The following ZFAND3 variants were observed in gnomAD, a reference collection of about 807,000 sequenced individuals.
ZFAND3 encodes the protein AN1-type zinc finger protein 3.
In ZFAND3, 10 loss-of-function variants were observed where a neutral mutation model predicts 29.6. The ratio of observed to expected loss-of-function variants is 0.34; its 90% CI spans 0.21 to 0.57. The LOEUF (loss-of-function observed/expected upper bound fraction) is 0.57, where lower values mean the gene tolerates loss of function less well. Among genes scored for constraint, ZFAND3 ranks in the 20% least tolerant of loss-of-function variants. The pLI, the probability that ZFAND3 is intolerant of heterozygous loss-of-function variation, is 0.86. For missense variants in ZFAND3, 230 were observed against 304.5 expected (o/e 0.76, Z 1.82); for synonymous variants, 128 against 112.6 (o/e 1.14, Z -0.87).
At chr6:37,908,368 A>G (rs530828455) in intron 1 of ZFAND3, among the ~76,000 whole-genome samples, 1 of 152,142 alleles carries the variant, frequency 6.6e-6, no homozygotes, top group African/African-American at 2.4e-5. Flanking sequence ...GTAAATGTAC[A>G]TTGCCATTAG....
At chr6:37,898,246 T>A (rs140825746) in intron 1 of ZFAND3, among the ~76,000 whole-genome samples, 1 of 152,212 alleles carries the variant, frequency 6.6e-6, no homozygotes. Context: ...CACACTGATA[T>A]CAAGTTGACC....
chr6:37,907,110 T>G (rs796384017), intron 1 of ZFAND3, among the ~76,000 whole-genome samples: 8 of 152,158 alleles, frequency 5.3e-5, no homozygotes, highest in African/African-American at 1.9e-4. Context: ...GATGCCTGAT[T>G]CCATGCTTGC....
chr6:37,893,699 G>A (rs369194565), intron 1 of ZFAND3, among the ~76,000 whole-genome samples: 25 of 152,150 alleles, frequency 1.6e-4, no homozygotes, highest in African/African-American at 4.3e-4. Context: ...GATTACAGGC[G>A]CATGCCACAA....
rs1266709596 is a variant in ZFAND3 at position 38,154,508 on chromosome 6, T to TA, written c.*2120dup. ...AACCCTTTTGTGTTCTAGATTTACT[T>TA]ACACACATAGCCTAGAGCTCAGTTT... On this transcript the variant is annotated 3_prime_UTR_variant, in exon 6 of 6. Coordinates refer to ENST00000287218, the MANE Select transcript of ZFAND3 (RefSeq NM_021943.3). 1.0e-6 allele frequency: 1 copy of TA among 980,114 alleles called. No homozygotes were observed. The highest frequency in any genetic ancestry group is 1.8e-5 in the African/African-American group (1 of 57,110). The allele number at this position is 980,114 out of a possible 1,614,324, so 60.7% of individuals were successfully genotyped here.
At chr6:37,988,728 CCTTAA>C (rs1727181513) in intron 2 of ZFAND3, among the ~76,000 whole-genome samples, 1 of 152,090 alleles carries the variant, frequency 6.6e-6, no homozygotes, top group African/African-American at 2.4e-5. Context: ...AAGGATGTGG[CCTTAA>C]CTTAGATTCT....
intron 4 of ZFAND3, among the ~76,000 whole-genome samples, chr6:38,101,486 A>G (rs1765091160): frequency 6.6e-6 from 1 of 152,168 alleles, no homozygotes; most frequent in Non-Finnish European, 1.5e-5. Flanking sequence ...GAAGTTATTT[A>G]TTTATAAGCT....
rs967598744 is a variant in ZFAND3, at chr6:37,904,076, A to G, written c.72-25883A>G. Among the ~76,000 whole-genome samples, 3 of 152,306 alleles carry G rather than the reference A, an allele frequency of 2.0e-5. No individual in the cohort carries two copies. In the East Asian group the frequency reaches 5.8e-4, roughly 29 times the overall value. On this transcript the variant is annotated intron_variant, in intron 1 of 5. Coordinates refer to ENST00000287218, the MANE Select transcript of ZFAND3 (RefSeq NM_021943.3). ...CCTTTGAAAATTGCTTTATAATGGA[A>G]ATGCTGACAGACCATTAACTATAGT...
At chr6:38,131,201 T>G (rs1581944941) in intron 5 of ZFAND3, among the ~76,000 whole-genome samples, 1 of 152,356 alleles carries the variant, frequency 6.6e-6, no homozygotes, top group East Asian at 1.9e-4. Context: ...TTCTCTCTTC[T>G]TAGTTAATCT....
chr6:37,861,752 A>G (rs1764495836), intron 1 of ZFAND3, among the ~76,000 whole-genome samples: 1 of 152,258 alleles, frequency 6.6e-6, no homozygotes, highest in Non-Finnish European at 1.5e-5. Flanking sequence ...AGCCTTATGT[A>G]TTATGATGTG....
rs1766273099 is a variant in ZFAND3 at position 38,153,257 on chromosome 6, A to G, written c.*868A>G. 2.0e-6 allele frequency: 2 copies of G among 985,340 alleles called. No homozygotes were observed. The highest frequency in any genetic ancestry group is 2.4e-6 in the Non-Finnish European group (2 of 829,954). 61.0% of individuals were successfully genotyped at this position (985,340 alleles called of 1,614,324 possible). On this transcript the variant is annotated 3_prime_UTR_variant, in exon 6 of 6. Coordinates refer to ENST00000287218, the MANE Select transcript of ZFAND3 (RefSeq NM_021943.3). ...CACTGGCCTCTGCAGCCAGATTTCT[A>G]TATTGGGAGTTTTTTAAAAAGACAT...
chr6:37,864,651 A>G (rs1413837613), intron 1 of ZFAND3, among the ~76,000 whole-genome samples: 1 of 152,158 alleles, frequency 6.6e-6, no homozygotes, highest in Non-Finnish European at 1.5e-5. Context: ...AGAAAAAAAT[A>G]TATGTATGTG....
chr6:37,849,770 A>C (rs1246734755), intron 1 of ZFAND3, among the ~76,000 whole-genome samples: 3 of 152,196 alleles, frequency 2.0e-5, no homozygotes, highest in Non-Finnish European at 4.4e-5. Flanking sequence ...TAATAGATGG[A>C]AAATGTCCTA....
At chr6:37,955,799 G>A (rs1240662582) in intron 2 of ZFAND3, among the ~76,000 whole-genome samples, 1 of 152,212 alleles carries the variant, frequency 6.6e-6, no homozygotes, top group Non-Finnish European at 1.5e-5. Flanking sequence ...GATCAGCGCA[G>A]TAGTATGGGA....
At chr6:38,014,886 A>G (rs972682372) in intron 2 of ZFAND3, among the ~76,000 whole-genome samples, 1 of 152,210 alleles carries the variant, frequency 6.6e-6, no homozygotes, top group African/African-American at 2.4e-5. Context: ...TCATTGGCAC[A>G]AAATACTGTT....
At chr6:37,855,072 A>G (rs756129448) in intron 1 of ZFAND3, among the ~76,000 whole-genome samples, 4 of 139,866 alleles carry the variant, frequency 2.9e-5, no homozygotes, top group Non-Finnish European at 6.0e-5. Context: ...ATCCCCTCTG[A>G]TATCAACAAA....
rs988938335 is a variant in ZFAND3, at chr6:37,961,250, G to A, written c.112+31251G>A. On this transcript the variant is annotated intron_variant, in intron 2 of 5. Transcript: ENST00000287218. ...GTGGGCCTGAGGTATCAGTGGACAC[G>A]AGGTGAGGCTCCTCTGCCTTTGGAA... Among the ~76,000 whole-genome samples, 12 of 152,302 alleles carry A rather than the reference G, an allele frequency of 7.9e-5. 1 individual carries two copies. The highest frequency in any genetic ancestry group is 3.3e-4 in the Admixed American group (5 of 15,308).
At chr6:38,052,519 A>G (rs1764046140) in intron 2 of ZFAND3, among the ~76,000 whole-genome samples, 1 of 152,146 alleles carries the variant, frequency 6.6e-6, no homozygotes, top group Admixed American at 6.5e-5. Context: ...AAATTCAGCA[A>G]ATTTATATTA....
chr6:37,830,445 G>A (rs1447128003), intron 1 of ZFAND3, among the ~76,000 whole-genome samples: 1 of 152,296 alleles, frequency 6.6e-6, no homozygotes, highest in East Asian at 1.9e-4. Flanking sequence ...TTGAAGTGTG[G>A]TATGTGAGTC....
chr6:37,970,072 G>A (rs1347681200), intron 2 of ZFAND3, among the ~76,000 whole-genome samples: 1 of 151,994 alleles, frequency 6.6e-6, no homozygotes, highest in African/African-American at 2.4e-5. Context: ...AGGTTGTAGT[G>A]AGCTGAAATG....
Sources: allele counts gnomAD v4.1 joint callset (sites outside exome capture counted in the v4.1 genomes callset), GRCh38; gene constraint gnomAD v4.1.1; transcripts MANE v1.5; gene names NCBI Gene and HGNC (gene_info 2026-07-23, HGNC 2026-07-21).